The following RIMS2 variants were observed in gnomAD, a reference collection of about 807,000 sequenced individuals.
RIMS2 encodes the protein regulating synaptic membrane exocytosis 2, also known as regulating synaptic membrane exocytosis protein 2.
A neutral mutation model predicts 174.4 loss-of-function variants in RIMS2; 59 were observed. The observed-to-expected ratio is 0.34, with a 90% confidence interval of 0.27 to 0.42. The LOEUF is 0.42. Ranked by LOEUF, RIMS2 falls within the 10% of genes least tolerant of loss-of-function variation. The pLI, the probability that RIMS2 is intolerant of heterozygous loss-of-function variation, is 1.00. For missense variants in RIMS2, 1,620 were observed against 1,666.3 expected (o/e 0.97, Z 0.48); for synonymous variants, 606 against 572.5 (o/e 1.06, Z -0.84).
intron 2 of RIMS2, among the ~76,000 whole-genome samples, chr8:103,735,317 C>T (rs898055943): frequency 4.6e-5 from 7 of 152,132 alleles, no homozygotes; most frequent in African/African-American, 1.4e-4. Context: ...TTTCTTGTTA[C>T]TTTCTATAGC....
intron 1 of RIMS2, among the ~76,000 whole-genome samples, chr8:103,612,721 G>A (rs1476943455): frequency 6.6e-6 from 1 of 152,152 alleles, no homozygotes; most frequent in Non-Finnish European, 1.5e-5. Flanking sequence ...TGGGATTACA[G>A]GTGCGTGCCA....
rs1180307419 is a variant in RIMS2 at position 104,222,742 on chromosome 8, G to A, written c.3335-22174G>A. The stretch of plus-strand genomic sequence containing the variant: ...AACAGGATGTTATACCTTTTGCTTA[G>A]ATGTTAAGCCGTACAATGTTGTCAT... On this transcript the variant is annotated intron_variant, in intron 19 of 23. Coordinates refer to ENST00000504942, the Ensembl canonical transcript of RIMS2. Among the ~76,000 whole-genome samples, 5 of 152,192 alleles carry A rather than the reference G, an allele frequency of 3.3e-5. No individual in the cohort carries two copies. The East Asian group carries it at 9.6e-4, about 29-fold the overall frequency.
Position 104,209,092 on chromosome 8 carries a change from A to G in RIMS2, c.3335-35824A>G, listed in dbSNP as rs2099093925. On this transcript the variant is annotated intron_variant, in intron 19 of 23. Coordinates refer to ENST00000504942, the Ensembl canonical transcript of RIMS2. ...TCAGGATTACTGTCTGTCTAGACTC[A>G]TAGGAACAACAAAGAACTGATGGAG... Among the ~76,000 whole-genome samples, 3 of 152,242 alleles carry G rather than the reference A, an allele frequency of 2.0e-5. No individual in the cohort carries two copies. The South Asian group carries it at 6.2e-4, about 32-fold the overall frequency.
chr8:104,048,716 C>T (rs1253552359), intron 19 of RIMS2, among the ~76,000 whole-genome samples: 1 of 142,814 alleles, frequency 7.0e-6, no homozygotes, highest in Non-Finnish European at 1.5e-5. Context: ...TTGACATATA[C>T]ATTAGAAACA....
intron 3 of RIMS2, among the ~76,000 whole-genome samples, chr8:103,769,605 C>T (rs898404068): frequency 6.6e-6 from 1 of 152,122 alleles, no homozygotes; most frequent in Admixed American, 6.5e-5. Context: ...GGATTACAGG[C>T]GTGAGCCACC....
intron 1 of RIMS2, among the ~76,000 whole-genome samples, chr8:103,648,637 A>C (rs1249647919): frequency 3.3e-5 from 5 of 152,194 alleles, no homozygotes; most frequent in African/African-American, 1.2e-4. Flanking sequence ...TTAGGTGCAT[A>C]TATATTTAGG....
At chr8:103,789,975 C>T (rs73291897) in intron 3 of RIMS2, among the ~76,000 whole-genome samples, 4 of 152,000 alleles carry the variant, frequency 2.6e-5, no homozygotes, top group South Asian at 2.1e-4. Context: ...CTGTTTAGGC[C>T]GATCTCAAAC....
chr8:104,240,848 A>C (rs936622570), intron 19 of RIMS2, among the ~76,000 whole-genome samples: 1 of 152,170 alleles, frequency 6.6e-6, no homozygotes, highest in Non-Finnish European at 1.5e-5. Context: ...AGTATAATTA[A>C]TTGAAGCTTT....
intron 3 of RIMS2, chr8:103,819,561 T>C: frequency 6.2e-7 from 1 of 1,613,670 alleles, no homozygotes; most frequent in South Asian, 1.1e-5. Flanking sequence ...CTCATTTTCA[T>C]GGGGTTTTTT....
At chr8:103,820,532 A>G (rs911526489) in intron 3 of RIMS2, among the ~76,000 whole-genome samples, 1 of 151,918 alleles carries the variant, frequency 6.6e-6, no homozygotes, top group African/African-American at 2.4e-5. Flanking sequence ...TCTCTGAACA[A>G]TGTGAGGCAT....
chr8:103,649,866 T>C (rs184498712), intron 1 of RIMS2, among the ~76,000 whole-genome samples: 1 of 152,298 alleles, frequency 6.6e-6, no homozygotes. Context: ...GGTTACCACA[T>C]GCTCCTTTAT....
intron 1 of RIMS2, among the ~76,000 whole-genome samples, chr8:103,532,580 A>G (rs964465367): frequency 6.6e-6 from 1 of 152,252 alleles, no homozygotes; most frequent in African/African-American, 2.4e-5. Flanking sequence ...GAATTGGAGC[A>G]AAGCTATGCT....
At chr8:103,961,019 C>G in intron 14 of RIMS2, 46 bp from the exon 17 acceptor site, 2 of 993,660 alleles carry the variant, frequency 2.0e-6, no homozygotes, top group Non-Finnish European at 3.2e-6. Flanking sequence ...AATTTTCTTC[C>G]TTAGAGAATC....
intron 15 of RIMS2, among the ~76,000 whole-genome samples, chr8:103,963,789 T>C (rs1565560875): frequency 1.3e-5 from 2 of 152,226 alleles, no homozygotes. Context: ...GATAATGACA[T>C]GTATCCATCA....
intron 3 of RIMS2, among the ~76,000 whole-genome samples, chr8:103,800,187 G>A (rs1245191235): frequency 6.6e-6 from 1 of 151,686 alleles, no homozygotes; most frequent in African/African-American, 2.4e-5. Flanking sequence ...CTGTCTTACT[G>A]GTCTATGTTT....
At chr8:104,054,282 A>G (rs1211848312) in intron 19 of RIMS2, among the ~76,000 whole-genome samples, 1 of 152,108 alleles carries the variant, frequency 6.6e-6, no homozygotes, top group Non-Finnish European at 1.5e-5. Context: ...TTCTAAGGTA[A>G]TGTTACACTA....
intron 1 of RIMS2, among the ~76,000 whole-genome samples, chr8:103,537,838 A>G (rs1840551914): frequency 6.6e-6 from 1 of 151,928 alleles, no homozygotes; most frequent in South Asian, 2.1e-4. Flanking sequence ...TTAGTTTTCT[A>G]TGGCATATTT....
intron 1 of RIMS2, among the ~76,000 whole-genome samples, chr8:103,514,651 C>T (rs368955488): frequency 9.0e-4 from 137 of 152,134 alleles, no homozygotes; most frequent in African/African-American, 3.2e-3. Context: ...TGGACAGAAA[C>T]ACATTATTCC....
At chr8:103,746,348 G>T (rs1364040983) in intron 2 of RIMS2, among the ~76,000 whole-genome samples, 1 of 152,060 alleles carries the variant, frequency 6.6e-6, no homozygotes, top group East Asian at 1.9e-4. Context: ...CTGTAGCTTT[G>T]TAGTAAGTTT....
Sources: gnomAD v4.1 joint callset for allele counts (sites outside exome capture counted in the v4.1 genomes callset) on GRCh38, gnomAD v4.1.1 for gene constraint, MANE v1.5 for transcripts, NCBI Gene and HGNC (gene_info 2026-07-23, HGNC 2026-07-21) for gene names.